The following NFAT5 variants were observed in gnomAD, a reference collection of about 807,000 sequenced individuals.
NFAT5 encodes nuclear factor of activated T-cells 5.
NFAT5 carries 31 observed loss-of-function variants against 166.5 expected under a neutral mutation model. The ratio of observed to expected loss-of-function variants is 0.19; its 90% CI spans 0.14 to 0.25. The LOEUF is 0.25. Ranked by LOEUF, NFAT5 falls within the 10% of genes least tolerant of loss-of-function variation. The pLI, the probability that NFAT5 is intolerant of heterozygous loss-of-function variation, is 1.00. For missense variants in NFAT5, 1,449 were observed against 1,821.8 expected, an observed-to-expected ratio of 0.80 and a Z score of 3.72; for synonymous variants, 612 against 639.7, an observed-to-expected ratio of 0.96 and a Z score of 0.65.
intron 2 of NFAT5, among the ~76,000 whole-genome samples, chr16:69,618,508 G>A (rs1434752717): frequency 1.3e-5 from 2 of 152,324 alleles, no homozygotes; most frequent in African/African-American, 2.4e-5. Context: ...CAAGCTTGAA[G>A]TGTTTTTAAC....
Position 69,699,571 on chromosome 16 carries a change from T to A in NFAT5, c.*3220T>A, listed in dbSNP as rs1251933687. 1 of 152,770 alleles carries A rather than the reference T, an allele frequency of 6.5e-6. No individual in the cohort carries two copies. The allele number at this position is 152,770 out of a possible 1,614,324, so 9.5% of individuals were successfully genotyped here. A position where few individuals can be genotyped will look rare whatever the true frequency, so the allele number is the denominator to read the frequency against. ...AATTTGGCTACGAAGAGTATTCATC[T>A]TCTTTGAAGCTCAGTGGTTGATATT... On this transcript the variant is annotated 3_prime_UTR_variant, in exon 15 of 15. Transcript: ENST00000349945.
At chr16:69,604,201 C>T (rs958252967) in intron 2 of NFAT5, among the ~76,000 whole-genome samples, 1 of 152,172 alleles carries the variant, frequency 6.6e-6, no homozygotes, top group Non-Finnish European at 1.5e-5. Context: ...ACCAGGACAA[C>T]GTGCACACAC....
At chr16:69,665,102 T>A (rs10454066) in intron 7 of NFAT5, among the ~76,000 whole-genome samples, 33,343 of 152,152 alleles carry the variant, frequency 0.22, 3,969 homozygotes, top group East Asian at 0.45. Context: ...TTTAGTTGTG[T>A]TTAGTATGGC....
chr16:69,649,886 A>G (rs997147538), intron 4 of NFAT5, among the ~76,000 whole-genome samples: 7 of 151,976 alleles, frequency 4.6e-5, no homozygotes, highest in African/African-American at 7.2e-5. Flanking sequence ...AAGATACCAC[A>G]TAGAAATCTG....
At chr16:69,572,848 AT>A (rs1300163928) in intron 2 of NFAT5, among the ~76,000 whole-genome samples, 1 of 152,060 alleles carries the variant, frequency 6.6e-6, no homozygotes, top group Non-Finnish European at 1.5e-5. Flanking sequence ...TTATTTATTT[AT>A]TTATTTATTT....
intron 2 of NFAT5, among the ~76,000 whole-genome samples, chr16:69,613,802 A>G (rs2033813077): frequency 6.6e-6 from 1 of 152,220 alleles, no homozygotes; most frequent in Admixed American, 6.5e-5. Context: ...TAGACTGTGA[A>G]CTGCTTAATA....
At position 69,692,558 on chromosome 16, in the gene NFAT5, A is replaced by G. The variant is rs2037590277; in HGVS notation, c.2733A>G (p.Ser911=). ...QQQQQQVMES[S]AAMVMEMQQS... ...AGCAACAGCAAGTGATGGAATCTTC[A>G]GCCGCAATGGTGATGGAGATGCAAC... is the stretch of plus-strand genomic sequence containing the variant. Residue 911 remains serine (S), a synonymous_variant, in exon 13 of 15, where the codon TCA becomes TCG. Coordinates refer to ENST00000349945, the MANE Select transcript of NFAT5 (RefSeq NM_138713.4). 1 of 1,614,190 alleles carries G rather than the reference A, an allele frequency of 6.2e-7. No individual in the cohort carries two copies.
rs563309150 is a variant in NFAT5 at position 69,684,570 on chromosome 16, A to G, written c.1691-317A>G. On this transcript the variant is annotated intron_variant, in intron 10 of 14. Coordinates refer to ENST00000349945, the MANE Select transcript of NFAT5 (RefSeq NM_138713.4). ...GCGAGACTCTGTCGCAAAAAAAAAG[A>G]TGGGGTTTCACCATGTTGGTCAGGG... Among the ~76,000 whole-genome samples, 584 of 151,172 alleles carry G rather than the reference A, an allele frequency of 3.9e-3. 4 individuals are homozygous for G. The highest frequency in any genetic ancestry group is 0.013 in the African/African-American group (543 of 41,264).
At chr16:69,689,232 G>A (rs1462512717) in intron 11 of NFAT5, among the ~76,000 whole-genome samples, 1 of 152,114 alleles carries the variant, frequency 6.6e-6, no homozygotes, top group African/African-American at 2.4e-5. Context: ...AGGCCTGATT[G>A]TACCACTGCA....
intron 7 of NFAT5, among the ~76,000 whole-genome samples, chr16:69,660,251 G>A (rs1378354221): frequency 1.3e-5 from 2 of 152,062 alleles, no homozygotes; most frequent in African/African-American, 2.4e-5. Flanking sequence ...TGAAAATCCT[G>A]TCTCTACAAA....
At chr16:69,611,024 G>T (rs1434224043) in intron 2 of NFAT5, among the ~76,000 whole-genome samples, 3 of 152,092 alleles carry the variant, frequency 2.0e-5, no homozygotes, top group Non-Finnish European at 4.4e-5. Context: ...TGAACAAATG[G>T]TGACAAAATT....
intron 9 of NFAT5, among the ~76,000 whole-genome samples, chr16:69,675,298 G>A (rs1597524045): frequency 6.6e-6 from 1 of 152,278 alleles, no homozygotes; most frequent in African/African-American, 2.4e-5. Context: ...TATGGAGTTT[G>A]CCAAACAATT....
At chr16:69,584,494 A>G (rs1052757909) in intron 2 of NFAT5, among the ~76,000 whole-genome samples, 3 of 151,982 alleles carry the variant, frequency 2.0e-5, no homozygotes, top group Admixed American at 6.6e-5. Flanking sequence ...ACACCTGGCT[A>G]ATTTTTTGAT....
intron 2 of NFAT5, among the ~76,000 whole-genome samples, chr16:69,602,715 C>T (rs2033198381): frequency 6.6e-6 from 1 of 151,840 alleles, no homozygotes; most frequent in South Asian, 2.1e-4. Context: ...AGCAATCCTC[C>T]TACTTCAGCC....
chr16:69,638,919 CATT>C (rs1206654787), intron 3 of NFAT5, among the ~76,000 whole-genome samples: 1 of 151,844 alleles, frequency 6.6e-6, no homozygotes, highest in Non-Finnish European at 1.5e-5. Flanking sequence ...CTTAAAGTGA[CATT>C]ATCTTTCAGT....
rs1235385348 is a variant in NFAT5 at position 69,697,753 on chromosome 16, T to TG, written c.*1403dup. On this transcript the variant is annotated 3_prime_UTR_variant, in exon 15 of 15. Coordinates refer to ENST00000349945, the MANE Select transcript of NFAT5 (RefSeq NM_138713.4). The stretch of plus-strand genomic sequence containing the variant: ...GGGATGCCTGCTTCTCACTACCACC[T>TG]GTGTCTGGACACATGCTTATGTCTC... The TG allele has an allele frequency of 6.6e-6, 1 of 152,664 alleles. No homozygotes were observed. Among genetic ancestry groups the TG allele is most frequent in the Non-Finnish European group, 1.5e-5 (1 of 68,052 alleles). The allele number at this position is 152,664 out of a possible 1,614,324, so 9.5% of individuals were successfully genotyped here. A position where few individuals can be genotyped will look rare whatever the true frequency, so the allele number is the denominator to read the frequency against.
Position 69,676,982 on chromosome 16 carries a change from A to G in NFAT5, c.1558-221A>G, listed in dbSNP as rs2036856819. ...AGGAATGAGATGAAGTTGACAGGGCAGGGATCTTGACCTTGTAAGCCATTA... is the reference window on the plus strand; with the variant it reads ...AGGAATGAGATGAAGTTGACAGGGCGGGGATCTTGACCTTGTAAGCCATTA... On this transcript the variant is annotated intron_variant, in intron 9 of 14. Coordinates refer to ENST00000349945, the MANE Select transcript of NFAT5 (RefSeq NM_138713.4). 6.7e-6 allele frequency: 3 copies of G among 450,518 alleles called. No individual in the cohort carries two copies. The East Asian group carries it at 1.3e-4, about 20-fold the overall frequency. The allele number at this position is 450,518 out of a possible 1,614,324, so 27.9% of individuals were successfully genotyped here.
rs1276238246 is a variant in NFAT5, at chr16:69,701,982, T to C, written c.*5631T>C. 2.0e-5 allele frequency: 3 copies of C among 152,592 alleles called. No homozygotes were observed. Among genetic ancestry groups the C allele is most frequent in the Non-Finnish European group, 4.4e-5 (3 of 68,066 alleles). The allele number at this position is 152,592 out of a possible 1,614,324, so 9.5% of individuals were successfully genotyped here. ...GGAGTGCCTTGGTTTTTGTTAATTT[T>C]GCCTCTATTCCAGCTCCTTACCACA... On this transcript the variant is annotated 3_prime_UTR_variant, in exon 15 of 15. Coordinates refer to ENST00000349945, the MANE Select transcript of NFAT5 (RefSeq NM_138713.4).
intron 2 of NFAT5, among the ~76,000 whole-genome samples, chr16:69,598,990 G>A (rs1270104232): frequency 6.7e-6 from 1 of 150,284 alleles, no homozygotes; most frequent in African/African-American, 2.5e-5. Context: ...CTCCAGTCTG[G>A]GCTCTGGGCG....
Sources: allele counts gnomAD v4.1 joint callset (sites outside exome capture counted in the v4.1 genomes callset), GRCh38; gene constraint gnomAD v4.1.1; transcripts MANE v1.5; gene names NCBI Gene and HGNC (gene_info 2026-07-23, HGNC 2026-07-21).